ST3GAL1: variants seen among roughly 807,000 people sequenced by gnomAD.
ST3GAL1 encodes the protein ST3 beta-galactoside alpha-2,3-sialyltransferase 1, also known as CMP-N-acetylneuraminate-beta-galactosamide-alpha-2,3-sialyltransferase 1.
Under a neutral mutation model 34.1 loss-of-function variants are expected in ST3GAL1, and 16 were observed. The ratio of observed to expected loss-of-function variants is 0.47; its 90% CI spans 0.32 to 0.71. The LOEUF (loss-of-function observed/expected upper bound fraction) is 0.71. ST3GAL1 is among the 30% of genes least tolerant of loss of function. The probability of loss-of-function intolerance (pLI) is 0.04; values close to 1 mark genes in which losing one functional copy is unlikely to be tolerated. For missense variants in ST3GAL1, 353 were observed against 447.4 expected (o/e 0.79, Z 1.90); for synonymous variants, 191 against 184.7 (o/e 1.03, Z -0.28).
At chr8:133,544,515 A>C (rs1818622706) in intron 2 of ST3GAL1, among the ~76,000 whole-genome samples, 1 of 152,144 alleles carries the variant, frequency 6.6e-6, no homozygotes, top group South Asian at 2.1e-4. Context: ...TCTAAGACTC[A>C]CACATGCCAC....
intron 2 of ST3GAL1, among the ~76,000 whole-genome samples, chr8:133,540,866 GAGACATATATATAGAGACATATATAT>G (rs1818466119): frequency 3.2e-5 from 3 of 92,666 alleles, no homozygotes; most frequent in Non-Finnish European, 4.0e-5. Context: ...CATATATATA[GAGACATATATATAGAGACATATATAT>G]AGACATATAT....
At chr8:133,569,839 G>T (rs993277723) in intron 1 of ST3GAL1, among the ~76,000 whole-genome samples, 3 of 152,232 alleles carry the variant, frequency 2.0e-5, no homozygotes, top group African/African-American at 7.2e-5. Context: ...GCAGCGCGGG[G>T]TAAAGAAAAT....
chr8:133,490,175 G>A lies in ST3GAL1; in HGVS notation c.-374+8960C>T, dbSNP rs79898210. ...GCTAAAGTGCAGTTCCAGGTCCTAT[G>A]AGGGAGGTGACACCATAATCCCATT... On this transcript the variant is annotated intron_variant, in intron 3 of 9. Coordinates refer to ENST00000522652, the MANE Select transcript of ST3GAL1 (RefSeq NM_173344.3). Among the ~76,000 whole-genome samples, 27 of 152,274 alleles carry A rather than the reference G, an allele frequency of 1.8e-4. No homozygotes were observed. In the East Asian group the frequency reaches 5.0e-3, roughly 28 times the overall value.
chr8:133,483,239 G>T (rs1208596434), intron 3 of ST3GAL1, among the ~76,000 whole-genome samples: 2 of 152,298 alleles, frequency 1.3e-5, no homozygotes, highest in Non-Finnish European at 1.5e-5. Flanking sequence ...CTACTTAGGA[G>T]GCTGAGGCAG....
intron 2 of ST3GAL1, among the ~76,000 whole-genome samples, chr8:133,529,064 G>A (rs963219062): frequency 1.9e-4 from 29 of 152,236 alleles, no homozygotes; most frequent in African/African-American, 6.3e-4. Flanking sequence ...GGGACAAAGC[G>A]AACCAGTGGT....
intron 1 of ST3GAL1, among the ~76,000 whole-genome samples, chr8:133,551,596 AAGAAAGAAAGAAAGAAAGAAAG>A (rs1298038891): frequency 5.3e-5 from 8 of 149,756 alleles, no homozygotes; most frequent in African/African-American, 7.5e-5. Flanking sequence ...GAAAGAAAGA[AAGAAAGAAAGAAAGAAAGAAAG>A]AGCGAGCAAG....
Position 133,464,802 on chromosome 8 carries a change from G to A in ST3GAL1, c.659C>T (p.Ala220Val). 6.2e-7 allele frequency: 1 copy of A among 1,613,602 alleles called. No homozygotes were observed. The highest frequency in any genetic ancestry group is 8.5e-7 in the Non-Finnish European group (1 of 1,179,690). The stretch of plus-strand genomic sequence containing the variant: ...CTGGGAAATGGTGCCCGTGGTGATG[G>A]CGCTCACCACCCACTCCAAGTCGAT... ...KTIDLEWVVS[A>V]ITTGTISHTY... Residue 220 changes from alanine to valine, a missense_variant, in exon 7 of 10, where the codon GCC becomes GTC. By Grantham distance (64) the Ala-to-Val change is moderately conservative. Transcript: ENST00000522652.
chr8:133,463,514 C>G, intron 7 of ST3GAL1, 55 bp from the exon 8 acceptor site: 1 of 1,589,370 alleles, frequency 6.3e-7, no homozygotes, highest in South Asian at 1.1e-5. Context: ...GCCCAGGAAC[C>G]TGGGCATGCA....
chr8:133,483,924 A>G (rs1816485307), intron 3 of ST3GAL1, among the ~76,000 whole-genome samples: 1 of 152,118 alleles, frequency 6.6e-6, no homozygotes, highest in South Asian at 2.1e-4. Context: ...CCACTCTCCA[A>G]TCAGTCTTTT....
chr8:133,478,921 AAATG>A (rs1277023928), intron 3 of ST3GAL1, among the ~76,000 whole-genome samples: 2 of 152,244 alleles, frequency 1.3e-5, no homozygotes, highest in African/African-American at 4.8e-5. Context: ...AGAAACCCAG[AAATG>A]AATGAAGGGA....
chr8:133,549,493 G>A (rs1259736584), intron 1 of ST3GAL1, among the ~76,000 whole-genome samples: 1 of 152,102 alleles, frequency 6.6e-6, no homozygotes, highest in Non-Finnish European at 1.5e-5. Flanking sequence ...CCACAGCCTG[G>A]CACCTGTGGC....
At chr8:133,543,048 A>G (rs555859139) in intron 2 of ST3GAL1, among the ~76,000 whole-genome samples, 2 of 152,338 alleles carry the variant, frequency 1.3e-5, no homozygotes, top group Admixed American at 6.5e-5. Context: ...ATAACTTTGC[A>G]GTGGAGACAC....
At chr8:133,480,818 C>G (rs965514607) in intron 3 of ST3GAL1, among the ~76,000 whole-genome samples, 2 of 152,184 alleles carry the variant, frequency 1.3e-5, no homozygotes, top group African/African-American at 4.8e-5. Context: ...CTGATAACTT[C>G]TTTGGACTTG....
rs554535131 is a variant in ST3GAL1, at chr8:133,504,251, C to T, written c.-428-5062G>A. Among the ~76,000 whole-genome samples, 29 of 152,342 alleles carry T rather than the reference C, an allele frequency of 1.9e-4. No individual in the cohort carries two copies. In the South Asian group the frequency reaches 5.8e-3, roughly 30 times the overall value. ...GCCAGCCTCAGAACTTGGACTAGAA[C>T]CCAGTCTCCTGAGACCTGCTCAGTC... On this transcript the variant is annotated intron_variant, in intron 2 of 9. Coordinates refer to ENST00000522652, the MANE Select transcript of ST3GAL1 (RefSeq NM_173344.3).
At chr8:133,522,442 A>G (rs775511469) in intron 2 of ST3GAL1, among the ~76,000 whole-genome samples, 3 of 152,088 alleles carry the variant, frequency 2.0e-5, no homozygotes, top group Admixed American at 6.6e-5. Context: ...AATGTGTTGC[A>G]ATTCCAAGTC....
intron 3 of ST3GAL1, among the ~76,000 whole-genome samples, chr8:133,488,886 T>G (rs1586610282): frequency 1.3e-5 from 2 of 151,920 alleles, no homozygotes; most frequent in South Asian, 4.1e-4. Context: ...CCAGGCAAGG[T>G]CTGGTGGCCC....
rs117696695 is a variant in ST3GAL1 at position 133,555,393 on chromosome 8, C to T, written c.-581-9467G>A. Among the ~76,000 whole-genome samples, 27 of 152,278 alleles carry T rather than the reference C, an allele frequency of 1.8e-4. No individual in the cohort carries two copies. In the East Asian group the frequency reaches 4.8e-3, roughly 27 times the overall value. On this transcript the variant is annotated intron_variant, in intron 1 of 9. Coordinates refer to ENST00000522652, the MANE Select transcript of ST3GAL1 (RefSeq NM_173344.3). ...ACTTTCCATGTGTCGTTTCTCAGCA[C>T]CGTAGTGCAATCTGTTCTCAAACCC...
At chr8:133,517,320 C>G (rs907261427) in intron 2 of ST3GAL1, among the ~76,000 whole-genome samples, 1 of 152,162 alleles carries the variant, frequency 6.6e-6, no homozygotes, top group Admixed American at 6.5e-5. Flanking sequence ...TGGTGGATAA[C>G]TCACCCAGTC....
chr8:133,541,152 G>GAGAC lies in ST3GAL1; in HGVS notation c.-429+4621_-429+4622insGTCT, dbSNP rs1159713676. ...AGAGAGAGAGAGAGAGAGAGAGAGA[G>GAGAC]ACTGTGTGTCTCTCCCTCTTTCTCA... On this transcript the variant is annotated intron_variant, in intron 2 of 9. Transcript: ENST00000522652. 4.2e-4 allele frequency among the ~76,000 whole-genome samples: 57 copies of GAGAC among 136,648 alleles called. 2 individuals carry two copies. Among genetic ancestry groups the GAGAC allele is most frequent in the African/African-American group, 1.4e-3 (49 of 35,200 alleles). 89.6% of individuals were successfully genotyped at this position (136,648 alleles called of 152,430 possible).
Sources: allele counts gnomAD v4.1 joint callset (sites outside exome capture counted in the v4.1 genomes callset), GRCh38; gene constraint gnomAD v4.1.1; transcripts MANE v1.5; gene names NCBI Gene and HGNC (gene_info 2026-07-23, HGNC 2026-07-21).